AFG2A: variants seen among roughly 807,000 people sequenced by gnomAD.
AFG2A encodes ATPase family gene 2 protein homolog A.
At chr4:122,931,687 A>ACCCCAGGC in the AFG2A span, among the ~76,000 whole-genome samples, 2 of 152,048 alleles carry the variant, frequency 1.3e-5, no homozygotes, top group African/African-American at 2.4e-5. Flanking sequence ...CCTCCAACTG[A>ACCCCAGGC]CCCCAGGCCT....
the AFG2A span, among the ~76,000 whole-genome samples, chr4:123,254,994 T>G: frequency 6.6e-6 from 1 of 152,098 alleles, no homozygotes; most frequent in Non-Finnish European, 1.5e-5. Context: ...AATGGAGTCT[T>G]ATTCTGTCAC....
At chr4:122,957,549 A>T in the AFG2A span, among the ~76,000 whole-genome samples, 1 of 152,210 alleles carries the variant, frequency 6.6e-6, no homozygotes, top group Non-Finnish European at 1.5e-5. Context: ...TGCATTGAGC[A>T]TAGGGAAAAA....
chr4:123,246,575 C>G, the AFG2A span, among the ~76,000 whole-genome samples: 5 of 152,064 alleles, frequency 3.3e-5, no homozygotes, highest in African/African-American at 1.2e-4. Context: ...CATCCTCTAC[C>G]AGTGCTTCCC....
the AFG2A span, among the ~76,000 whole-genome samples, chr4:123,030,458 T>C: frequency 3.3e-5 from 5 of 152,214 alleles, no homozygotes. Context: ...CTTTGTACAC[T>C]GCTATATAAA....
At chr4:122,947,138 A>C in the AFG2A span, 1 of 1,236,456 alleles carries the variant, frequency 8.1e-7, no homozygotes, top group South Asian at 1.8e-5. Flanking sequence ...GGACAGTTAG[A>C]TGTTTCATCC....
At chr4:123,050,008 A>G in the AFG2A span, among the ~76,000 whole-genome samples, 2 of 151,218 alleles carry the variant, frequency 1.3e-5, no homozygotes, top group African/African-American at 4.9e-5. Context: ...GTATTTTGTG[A>G]TTTATTTCAC....
At chr4:123,254,971 A>AT in the AFG2A span, among the ~76,000 whole-genome samples, 36 of 148,506 alleles carry the variant, frequency 2.4e-4, no homozygotes, top group African/African-American at 4.4e-4. Context: ...ATGGCTACAG[A>AT]TTTTTTTTTT....
At chr4:123,011,409 G>T in the AFG2A span, among the ~76,000 whole-genome samples, 7 of 152,274 alleles carry the variant, frequency 4.6e-5, no homozygotes, top group African/African-American at 1.7e-4. Context: ...ACAGATTAGG[G>T]CTAGGAAATG....
At chr4:123,258,453 C>T in the AFG2A span, among the ~76,000 whole-genome samples, 1 of 152,094 alleles carries the variant, frequency 6.6e-6, no homozygotes. Flanking sequence ...TTAACAAGCA[C>T]TTGATAAACT....
chr4:122,970,406 C>A, the AFG2A span, among the ~76,000 whole-genome samples: 1 of 151,716 alleles, frequency 6.6e-6, no homozygotes, highest in Admixed American at 6.6e-5. Flanking sequence ...CACATAAAGA[C>A]ACATCTCTCA....
the AFG2A span, among the ~76,000 whole-genome samples, chr4:122,923,807 A>G: frequency 6.6e-6 from 1 of 152,136 alleles, no homozygotes; most frequent in African/African-American, 2.4e-5. Flanking sequence ...TCTAATTTCT[A>G]CAGAAGCCGT....
the AFG2A span, among the ~76,000 whole-genome samples, chr4:123,147,588 C>G: frequency 1.1e-4 from 16 of 152,130 alleles, no homozygotes; most frequent in African/African-American, 3.6e-4. Flanking sequence ...ATGATTAGAA[C>G]AGAATTACTT....
the AFG2A span, among the ~76,000 whole-genome samples, chr4:122,993,755 A>T: frequency 6.6e-6 from 1 of 151,916 alleles, no homozygotes; most frequent in Non-Finnish European, 1.5e-5. Context: ...TTTTGGAAAG[A>T]TCTTTATTGT....
At chr4:123,254,665 A>C in the AFG2A span, among the ~76,000 whole-genome samples, 1 of 152,222 alleles carries the variant, frequency 6.6e-6, no homozygotes, top group African/African-American at 2.4e-5. Flanking sequence ...ATTGATTTTT[A>C]GTATATTCAC....
the AFG2A span, among the ~76,000 whole-genome samples, chr4:122,978,560 G>A: frequency 6.6e-6 from 1 of 152,188 alleles, no homozygotes; most frequent in East Asian, 1.9e-4. Context: ...CATGCTTCAG[G>A]CTGTCCCTGG....
chr4:123,168,847 G>T, the AFG2A span, among the ~76,000 whole-genome samples: 1 of 152,186 alleles, frequency 6.6e-6, no homozygotes, highest in East Asian at 1.9e-4. Flanking sequence ...TTCTTTATAT[G>T]AGTAGTTAGA....
At chr4:122,947,438 G>C in the AFG2A span, 21 of 1,614,132 alleles carry the variant, frequency 1.3e-5, no homozygotes, top group African/African-American at 1.7e-4. Context: ...CTGGCAAATA[G>C]TGCTCATGGA....
the AFG2A span, among the ~76,000 whole-genome samples, chr4:123,003,373 G>A: frequency 1.3e-5 from 2 of 152,234 alleles, no homozygotes; most frequent in South Asian, 2.1e-4. Flanking sequence ...TGGAGGAGGA[G>A]AGGCGCTCTG....
the AFG2A span, among the ~76,000 whole-genome samples, chr4:123,146,611 G>T: frequency 2.0e-5 from 3 of 152,108 alleles, no homozygotes; most frequent in South Asian, 6.2e-4. Context: ...GAGATAACAT[G>T]AACAGATACT....
Sources: allele counts gnomAD v4.1 joint callset (sites outside exome capture counted in the v4.1 genomes callset), GRCh38; gene constraint gnomAD v4.1.1; transcripts MANE v1.5; gene names NCBI Gene and HGNC (gene_info 2026-07-23, HGNC 2026-07-21).